The following WDPCP variants were observed in gnomAD, a reference collection of about 807,000 sequenced individuals.
The protein encoded by WDPCP is WD repeat-containing and planar cell polarity effector protein fritz homolog.
WDPCP carries 71 observed loss-of-function variants against 93.1 expected under a neutral mutation model. The ratio of observed to expected loss-of-function variants is 0.76; its 90% CI spans 0.63 to 0.93. The LOEUF is 0.93. WDPCP is among the 40% of genes least tolerant of loss of function. The pLI, the probability that WDPCP is intolerant of heterozygous loss-of-function variation, is 0.00. For missense variants in WDPCP, 844 were observed against 887.4 expected (o/e 0.95, Z 0.62); for synonymous variants, 315 against 315.0 (o/e 1.00, Z 0.00).
At chr2:63,646,122 T>C (rs188408421) in intron 3 of WDPCP, among the ~76,000 whole-genome samples, 1 of 152,210 alleles carries the variant, frequency 6.6e-6, no homozygotes, top group African/African-American at 2.4e-5. Flanking sequence ...TAATTTTCTC[T>C]AATGATATGA....
At chr2:63,191,967 C>T (rs1675083659) in intron 14 of WDPCP, among the ~76,000 whole-genome samples, 1 of 152,118 alleles carries the variant, frequency 6.6e-6, no homozygotes, top group South Asian at 2.1e-4. Context: ...GAGATAGAGG[C>T]CATATGACTT....
intron 6 of WDPCP, among the ~76,000 whole-genome samples, chr2:63,454,032 C>G (rs932780815): frequency 5.3e-5 from 8 of 151,068 alleles, no homozygotes; most frequent in Non-Finnish European, 1.2e-4. Context: ...GTGCAGCACA[C>G]CAATATGGCA....
At chr2:63,470,917 C>T (rs1228178676) in intron 6 of WDPCP, among the ~76,000 whole-genome samples, 8 of 152,262 alleles carry the variant, frequency 5.3e-5, no homozygotes, top group Middle Eastern at 3.4e-3. Context: ...CTACCTGGAA[C>T]GCTCTTCCGC....
chr2:63,147,429 G>T (rs938183775), intron 17 of WDPCP, among the ~76,000 whole-genome samples: 3 of 152,188 alleles, frequency 2.0e-5, no homozygotes, highest in African/African-American at 7.2e-5. Context: ...TGGATTAATT[G>T]TAAGTGGGTT....
chr2:63,723,230 C>T (rs1409813540), intron 2 of WDPCP, among the ~76,000 whole-genome samples: 6 of 150,220 alleles, frequency 4.0e-5, no homozygotes, highest in Non-Finnish European at 5.9e-5. Flanking sequence ...CCACTATTGT[C>T]CTATGACCCT....
At chr2:63,130,339 T>C (rs1670209510) in intron 17 of WDPCP, among the ~76,000 whole-genome samples, 1 of 152,158 alleles carries the variant, frequency 6.6e-6, no homozygotes, top group Non-Finnish European at 1.5e-5. Flanking sequence ...GGACATCCTG[T>C]TTTCCCAGCA....
Position 63,290,094 on chromosome 2 carries a change from A to G in WDPCP, c.1812+23154T>C, listed in dbSNP as rs959505485. Among the ~76,000 whole-genome samples the G allele has an allele frequency of 2.6e-5, 4 of 151,008 alleles. No homozygotes were observed. The East Asian group carries it at 7.8e-4, about 30-fold the overall frequency. ...CATCCAGTTTGAACTTACGGTCGTT[A>G]TTTATTAATATATTTGGGGTTAAGT... On this transcript the variant is annotated intron_variant, in intron 13 of 17. Coordinates refer to ENST00000272321, the MANE Select transcript of WDPCP (RefSeq NM_015910.7).
intron 12 of WDPCP, among the ~76,000 whole-genome samples, chr2:63,351,847 ACTGCTTTCCACAGTGG>A (rs1238332901): frequency 6.6e-6 from 1 of 152,208 alleles, no homozygotes; most frequent in Non-Finnish European, 1.5e-5. Flanking sequence ...AAGTCTCCAG[ACTGCTTTCCACAGTGG>A]CTGGACTAAT....
intron 17 of WDPCP, among the ~76,000 whole-genome samples, chr2:63,124,101 T>C (rs1669733098): frequency 6.6e-6 from 1 of 151,740 alleles, no homozygotes; most frequent in Non-Finnish European, 1.5e-5. Context: ...GAAGTTTTTT[T>C]TTTTTTTTCT....
At chr2:63,655,703 A>G (rs946213713) in intron 2 of WDPCP, among the ~76,000 whole-genome samples, 5 of 152,182 alleles carry the variant, frequency 3.3e-5, no homozygotes, top group African/African-American at 9.7e-5. Flanking sequence ...CAAAATCTAT[A>G]TATGTCCTTG....
At chr2:63,408,548 C>A (rs1263094899) in intron 9 of WDPCP, among the ~76,000 whole-genome samples, 4 of 152,146 alleles carry the variant, frequency 2.6e-5, no homozygotes, top group Non-Finnish European at 5.9e-5. Context: ...TCTAGCTGAA[C>A]TGTGTAACAA....
chr2:63,159,313 A>G (rs1672490999), intron 15 of WDPCP, among the ~76,000 whole-genome samples: 1 of 151,230 alleles, frequency 6.6e-6, no homozygotes. Flanking sequence ...CTACCCTCCA[A>G]CTCCTGGGCT....
At chr2:63,485,094 G>C in intron 4 of WDPCP, 107 bp from the exon 5 acceptor site, 1 of 1,144,654 alleles carries the variant, frequency 8.7e-7, no homozygotes, top group Non-Finnish European at 1.3e-6. Flanking sequence ...CTATAATCGA[G>C]AGGAAGTGGG....
chr2:63,759,060 C>T (rs926987815), intron 2 of WDPCP, among the ~76,000 whole-genome samples: 2 of 151,672 alleles, frequency 1.3e-5, no homozygotes, highest in African/African-American at 4.8e-5. Flanking sequence ...GGATTACAGT[C>T]GTGAGGCACC....
chr2:63,484,175 G>A (rs181731385), intron 6 of WDPCP, among the ~76,000 whole-genome samples: 1 of 151,978 alleles, frequency 6.6e-6, no homozygotes, highest in East Asian at 1.9e-4. Context: ...TGTTATGATA[G>A]GTCTAACTGT....
intron 2 of WDPCP, among the ~76,000 whole-genome samples, chr2:63,740,419 A>T (rs1396131040): frequency 6.6e-6 from 1 of 152,110 alleles, no homozygotes; most frequent in African/African-American, 2.4e-5. Context: ...TCTAATTTTC[A>T]TACATCTTAA....
At chr2:63,663,102 G>T (rs1259588352) in intron 2 of WDPCP, among the ~76,000 whole-genome samples, 1 of 152,124 alleles carries the variant, frequency 6.6e-6, no homozygotes, top group Non-Finnish European at 1.5e-5. Flanking sequence ...ACAATCTGTT[G>T]GCTGCTTTTT....
intron 2 of WDPCP, among the ~76,000 whole-genome samples, chr2:63,658,828 C>G (rs1159264879): frequency 6.6e-6 from 1 of 152,172 alleles, no homozygotes; most frequent in Non-Finnish European, 1.5e-5. Context: ...CTCAGCTGGC[C>G]GACAGGCTCT....
chr2:63,583,097 CAT>C (rs1708601086), intron 1 of WDPCP, among the ~76,000 whole-genome samples: 1 of 152,054 alleles, frequency 6.6e-6, no homozygotes, highest in South Asian at 2.1e-4. Context: ...GGGCTCATAA[CAT>C]GTAAAAGTAA....
Sources: allele counts gnomAD v4.1 joint callset (sites outside exome capture counted in the v4.1 genomes callset), GRCh38; gene constraint gnomAD v4.1.1; transcripts MANE v1.5; gene names NCBI Gene and HGNC (gene_info 2026-07-23, HGNC 2026-07-21).